EIF2AK2: variants seen among roughly 807,000 people sequenced by gnomAD.
EIF2AK2 encodes interferon-induced, double-stranded RNA-activated protein kinase.
EIF2AK2 carries 40 observed loss-of-function variants against 70.5 expected under a neutral mutation model. That is an observed-to-expected ratio of 0.57 (90% CI 0.44 to 0.74). The LOEUF is 0.74. Ranked by LOEUF, EIF2AK2 falls within the 30% of genes least tolerant of loss-of-function variation. The pLI, the probability that EIF2AK2 is intolerant of heterozygous loss-of-function variation, is 0.00. For synonymous variants in EIF2AK2, 198 were observed against 220.9 expected (o/e 0.90, Z 0.92); for missense variants, 555 against 644.3 (o/e 0.86, Z 1.50).
chr2:37,120,231 T>C, intron 12 of EIF2AK2, 92 bp from the exon 13 acceptor site: 1 of 897,576 alleles, frequency 1.1e-6, no homozygotes, highest in Non-Finnish European at 1.5e-6. Context: ...TCATAACTTT[T>C]TAAAAGCTTA....
At chr2:37,131,113 A>C (rs1020639368) in intron 10 of EIF2AK2, among the ~76,000 whole-genome samples, 1 of 151,988 alleles carries the variant, frequency 6.6e-6, no homozygotes, top group Non-Finnish European at 1.5e-5. Flanking sequence ...CTATCACTAA[A>C]CCTCTTTATG....
intron 10 of EIF2AK2, among the ~76,000 whole-genome samples, chr2:37,134,064 C>T (rs971914283): frequency 2.0e-5 from 3 of 152,164 alleles, no homozygotes; most frequent in African/African-American, 2.4e-5. Context: ...TTATCGCTGT[C>T]TTCTTCAGCT....
intron 4 of EIF2AK2, among the ~76,000 whole-genome samples, chr2:37,143,755 G>C (rs972722706): frequency 6.6e-6 from 1 of 151,874 alleles, no homozygotes; most frequent in Non-Finnish European, 1.5e-5. Context: ...GTGGTGGCTC[G>C]TGCCTGTAGT....
chr2:37,137,042 A>G, intron 8 of EIF2AK2, 25 bp from the exon 9 acceptor site: 1 of 1,587,876 alleles, frequency 6.3e-7, no homozygotes, highest in Admixed American at 1.8e-5. Flanking sequence ...AATGAGAAAT[A>G]GTTTCAGATG....
At position 37,105,101 on chromosome 2, in the gene EIF2AK2, G is replaced by C. The variant is rs994759711; in HGVS notation, c.*2172C>G. The C allele has an allele frequency of 3.3e-5, 5 of 152,184 alleles. No homozygotes were observed. The highest frequency in any genetic ancestry group is 1.3e-4 in the Admixed American group (2 of 15,284). 9.4% of individuals were successfully genotyped at this position (152,184 alleles called of 1,614,324 possible). Reference sequence around the variant, plus strand: ...CTGCTCTTTATGAACACTTTTTAAAGCCTTTATAAAACTATTTTCTCTTAC... The same window carrying C: ...CTGCTCTTTATGAACACTTTTTAAACCCTTTATAAAACTATTTTCTCTTAC... On this transcript the variant is annotated 3_prime_UTR_variant, in exon 17 of 17. Coordinates refer to ENST00000233057, the MANE Select transcript of EIF2AK2 (RefSeq NM_001135651.3).
chr2:37,146,205 T>C (rs1675532465), intron 4 of EIF2AK2, among the ~76,000 whole-genome samples: 1 of 152,214 alleles, frequency 6.6e-6, no homozygotes. Context: ...TAAGCTATAC[T>C]ACACAGCCTA....
chr2:37,110,104 C>T (rs1323384914), intron 14 of EIF2AK2, among the ~76,000 whole-genome samples: 18 of 151,674 alleles, frequency 1.2e-4, no homozygotes, highest in Admixed American at 9.2e-4. Context: ...GACGGAGTCC[C>T]GCTGTCACCA....
intron 10 of EIF2AK2, among the ~76,000 whole-genome samples, chr2:37,134,539 G>A (rs779022664): frequency 8.5e-5 from 13 of 152,056 alleles, no homozygotes; most frequent in South Asian, 2.1e-4. Context: ...TGCCCCTAGC[G>A]CCCACCTTTA....
chr2:37,156,760 G>C (rs891904824), intron 1 of EIF2AK2, 148 bp downstream of exon 1: 1 of 152,812 alleles, frequency 6.5e-6, no homozygotes. Flanking sequence ...TGACCCAGCC[G>C]GGGCCAGGGG....
At chr2:37,122,069 G>C (rs1053307533) in intron 12 of EIF2AK2, among the ~76,000 whole-genome samples, 1 of 152,162 alleles carries the variant, frequency 6.6e-6, no homozygotes, top group African/African-American at 2.4e-5. Flanking sequence ...ATTCCAAAGA[G>C]ACCCTCTGAC....
chr2:37,140,559 T>C (rs574388623), intron 5 of EIF2AK2, among the ~76,000 whole-genome samples: 14 of 152,084 alleles, frequency 9.2e-5, no homozygotes, highest in African/African-American at 3.4e-4. Context: ...CTGGGTTGAG[T>C]GACTGGATCA....
At chr2:37,111,398 C>CTTTT (rs567678890) in intron 14 of EIF2AK2, among the ~76,000 whole-genome samples, 2 of 130,872 alleles carry the variant, frequency 1.5e-5, no homozygotes, top group Admixed American at 1.5e-4. Context: ...AATTTCTTTT[C>CTTTT]TTTTTTTTTT....
intron 4 of EIF2AK2, among the ~76,000 whole-genome samples, chr2:37,143,976 G>T (rs377654393): frequency 3.3e-5 from 5 of 152,126 alleles, no homozygotes; most frequent in Admixed American, 6.5e-5. Flanking sequence ...TGATCTAAAG[G>T]ATAATCATGT....
At position 37,120,111 on chromosome 2, in the gene EIF2AK2, T is replaced by C; in HGVS notation, c.1096A>G (p.Met366Val). Residue 366 changes from methionine to valine, a missense_variant, in exon 13 of 17, where the codon ATG (methionine) becomes GTG (valine). Physicochemically the swap from Met to Val is conservative, Grantham distance 21. Transcript: ENST00000233057. ...AAGGTCCCTTTATCACAGAATTCCATTTGGATGAAAAGGCACTTAGTCTTT... is the reference window on the plus strand; with the variant it reads ...AAGGTCCCTTTATCACAGAATTCCACTTGGATGAAAAGGCACTTAGTCTTT... Reference protein sequence around the residue: ...RSKTKCLFIQMEFCDKGTLEQ... With the variant: ...RSKTKCLFIQVEFCDKGTLEQ... The C allele has an allele frequency of 2.0e-6, 3 of 1,472,458 alleles. No individual in the cohort carries two copies. The highest frequency in any genetic ancestry group is 2.7e-6 in the Non-Finnish European group (3 of 1,105,206). 91.2% of individuals were successfully genotyped at this position (1,472,458 alleles called of 1,614,324 possible).
In EIF2AK2 at chr2:37,154,787, C is replaced by A. The variant is rs190565736; in HGVS notation, c.-184+2121G>T. Among the ~76,000 whole-genome samples, 1,029 of 152,192 alleles carry A rather than the reference C, an allele frequency of 6.8e-3. 10 individuals carry two copies. Among genetic ancestry groups the A allele is most frequent in the African/African-American group, 0.022 (928 of 41,526 alleles). On this transcript the variant is annotated intron_variant, in intron 1 of 16. Coordinates refer to ENST00000233057, the MANE Select transcript of EIF2AK2 (RefSeq NM_001135651.3). ...ATGTTGGCCAGGCTGGTCTCAAACTCCTGACCTCAGGTGATCCACCCACCT... is the reference window on the plus strand; with the variant it reads ...ATGTTGGCCAGGCTGGTCTCAAACTACTGACCTCAGGTGATCCACCCACCT...
At chr2:37,126,967 GAAAAAAAAAAAAAAAA>G (rs57802509) in intron 10 of EIF2AK2, among the ~76,000 whole-genome samples, 31 of 52,170 alleles carry the variant, frequency 5.9e-4, no homozygotes, top group East Asian at 2.8e-3. Context: ...CAAAAAAACA[GAAAAAAAAAAAAAAAA>G]AAAAAAAAAA....
intron 4 of EIF2AK2, among the ~76,000 whole-genome samples, chr2:37,146,249 A>C (rs1395679381): frequency 6.6e-6 from 1 of 152,206 alleles, no homozygotes; most frequent in Admixed American, 6.5e-5. Context: ...AGGATTGTGT[A>C]AGTACCTCTA....
chr2:37,107,348 A>C lies in EIF2AK2; in HGVS notation c.1581T>G (p.Pro527=), dbSNP rs1340448719. 1 of 1,613,882 alleles carries C rather than the reference A, an allele frequency of 6.2e-7. No homozygotes were observed. Among genetic ancestry groups the C allele is most frequent in the East Asian group, 2.2e-5 (1 of 44,858 alleles). Residue 527 remains proline (P), a synonymous_variant, in exon 17 of 17, where the codon CCT becomes CCG. Transcript: ENST00000233057. ...KLLSKKPEDR[P]NTSEILRTLT... ...AGGTCCTTAGTATTTCAGATGTGTT[A>C]GGTCGATCCTCAGGTTTCTTTGAGA...
At chr2:37,136,912 T>C in intron 9 of EIF2AK2, 71 bp downstream of exon 9, 2 of 1,418,246 alleles carry the variant, frequency 1.4e-6, no homozygotes, top group Non-Finnish European at 1.9e-6. Context: ...ACTCTACAAG[T>C]ATTAAGAACA....
Sources: gnomAD v4.1 joint callset for allele counts (sites outside exome capture counted in the v4.1 genomes callset) on GRCh38, gnomAD v4.1.1 for gene constraint, MANE v1.5 for transcripts, NCBI Gene and HGNC (gene_info 2026-07-23, HGNC 2026-07-21) for gene names.